The following SLC4A3 variants were observed in gnomAD, a reference collection of about 807,000 sequenced individuals.
The protein encoded by SLC4A3 is anion exchange protein 3.
A neutral mutation model predicts 114.2 loss-of-function variants in SLC4A3; 47 were observed. The observed-to-expected ratio is 0.41, with a 90% CI of 0.33 to 0.52. SLC4A3 has a LOEUF of 0.52. SLC4A3 is among the 20% of genes least tolerant of loss of function. The pLI, the probability that SLC4A3 is intolerant of heterozygous loss-of-function variation, is 0.21. For missense variants in SLC4A3, 1,312 were observed against 1,668.3 expected (o/e 0.79, Z 3.72); for synonymous variants, 693 against 710.3 (o/e 0.98, Z 0.39).
At chr2:219,634,063 G>A (rs1311148393) in intron 11 of SLC4A3, 84 bp downstream of exon 11, 4 of 1,417,738 alleles carry the variant, frequency 2.8e-6, no homozygotes, top group East Asian at 2.6e-5. Flanking sequence ...CTCTGGCCTC[G>A]AGGCCGCCTC....
Position 219,638,045 on chromosome 2 carries a change from C to A in SLC4A3, c.2767-119C>A. 2.4e-6 allele frequency: 2 copies of A among 839,256 alleles called. No homozygotes were observed. The highest frequency in any genetic ancestry group is 3.9e-6 in the Non-Finnish European group (2 of 511,260). The allele number at this position is 839,256 out of a possible 1,614,324, so 52.0% of individuals were successfully genotyped here. A position where few individuals can be genotyped will look rare whatever the true frequency, so the allele number is the denominator to read the frequency against. On this transcript the variant is annotated intron_variant, in intron 17 of 22. Coordinates refer to ENST00000358055, the MANE Select transcript of SLC4A3 (RefSeq NM_005070.4). This position sits in a 1 kb window ranked among gnomAD's most constrained non-coding sequence, Gnocchi z 7.5. ...CTGGCACCTGTGGGGTTGAGAGGCACGTGGGGGGCCTTCTGGCTCCAGCTT... is the reference window on the plus strand; with the variant it reads ...CTGGCACCTGTGGGGTTGAGAGGCAAGTGGGGGGCCTTCTGGCTCCAGCTT...
In SLC4A3 at chr2:219,629,168, C is replaced by G. The variant is rs1698826716; in HGVS notation, c.242C>G (p.Thr81Ser). 2 of 1,605,084 alleles carry G rather than the reference C, an allele frequency of 1.2e-6. No individual in the cohort carries two copies. The highest frequency in any genetic ancestry group is 4.5e-5 in the East Asian group (2 of 44,782). ...FEFHRHTSHHTHHPLSARLPP... is the reference protein window; with the variant it reads ...FEFHRHTSHHSHHPLSARLPP... ...GTTCACCGGCACACATCCCACCACA[C>G]CCACCACCCGCTCTCAGCGCGCCTG... is the stretch of plus-strand genomic sequence containing the variant. The change falls in exon 4 of 23, where the codon ACC becomes AGC. Residue 81 changes from threonine (T) to serine (S), a missense_variant. By Grantham distance (58) the Thr-to-Ser change is moderately conservative (BLOSUM62 1). This residue lies in a region of SLC4A3 where 236 missense variants were observed against 212.1 expected (regional missense o/e 1.11). Transcript: ENST00000358055.
chr2:219,633,661 A>C (rs1175426888), intron 10 of SLC4A3, among the ~76,000 whole-genome samples: 1 of 152,256 alleles, frequency 6.6e-6, no homozygotes, highest in Non-Finnish European at 1.5e-5. Flanking sequence ...GCAGACCCAC[A>C]GGAGCTGTTT....
At position 219,630,116 on chromosome 2, in the gene SLC4A3, C is replaced by G. The variant is rs1379438663; in HGVS notation, c.612-37C>G. On this transcript the variant is annotated intron_variant, in intron 5 of 22. Coordinates refer to ENST00000358055, the MANE Select transcript of SLC4A3 (RefSeq NM_005070.4). This position sits in a 1 kb window ranked among gnomAD's most constrained non-coding sequence, Gnocchi z 6.9. ...GACGGTGATGGAACCACCGACCTGGCCCTGTCAAGTCCAAGGCTGCTGTGT... is the reference window on the plus strand; with the variant it reads ...GACGGTGATGGAACCACCGACCTGGGCCTGTCAAGTCCAAGGCTGCTGTGT... 1 of 1,609,288 alleles carries G rather than the reference C, an allele frequency of 6.2e-7. No individual in the cohort carries two copies. The highest frequency in any genetic ancestry group is 1.1e-5 in the South Asian group (1 of 90,398).
At position 219,635,039 on chromosome 2, in the gene SLC4A3, G is replaced by T. The variant is rs954962395; in HGVS notation, c.1747-232G>T. Among the ~76,000 whole-genome samples the T allele has an allele frequency of 7.9e-5, 12 of 152,200 alleles. 1 individual carries two copies. Among genetic ancestry groups the T allele is most frequent in the African/African-American group, 2.9e-4 (12 of 41,446 alleles). ...ATCCCTTTAGTTGCTGCATGTGGAA[G>T]TCTGGCATCTCCTGGGGGAATGGAG... On this transcript the variant is annotated intron_variant, in intron 12 of 22. Coordinates refer to ENST00000358055, the MANE Select transcript of SLC4A3 (RefSeq NM_005070.4).
In SLC4A3 at chr2:219,636,199, G is replaced by A. The variant is rs922069199; in HGVS notation, c.2192-103G>A. 8 of 1,342,590 alleles carry A rather than the reference G, an allele frequency of 6.0e-6. No homozygotes were observed. The East Asian group carries it at 1.4e-4, about 23-fold the overall frequency. The allele number at this position is 1,342,590 out of a possible 1,614,324, so 83.2% of individuals were successfully genotyped here. Reference sequence around the variant, plus strand: ...GGGGCCCTGTGTGTCACTCTAAGGGGCTGCTCTGCTTTTGTTGGGGGCCCC... The same window carrying A: ...GGGGCCCTGTGTGTCACTCTAAGGGACTGCTCTGCTTTTGTTGGGGGCCCC... On this transcript the variant is annotated intron_variant, in intron 14 of 22. Transcript: ENST00000358055. The surrounding 1 kb of genome is among the most constrained non-coding windows in gnomAD (Gnocchi z 5.5).
At position 219,630,487 on chromosome 2, in the gene SLC4A3, C is replaced by A; in HGVS notation, c.811+135C>A. ...TGAATCCCTGTCTGCTGGGATGTGG[C>A]CAGTGATGGGGACCTCACTACCTCA... On this transcript the variant is annotated intron_variant, in intron 6 of 22. Transcript: ENST00000358055. This position sits in a 1 kb window ranked among gnomAD's most constrained non-coding sequence, Gnocchi z 6.9. 2.0e-6 allele frequency: 2 copies of A among 983,752 alleles called. No individual in the cohort carries two copies. The highest frequency in any genetic ancestry group is 2.9e-6 in the Non-Finnish European group (2 of 688,168). The allele number at this position is 983,752 out of a possible 1,614,324, so 60.9% of individuals were successfully genotyped here. A position where few individuals can be genotyped will look rare whatever the true frequency, so the allele number is the denominator to read the frequency against.
At chr2:219,640,718 T>C in intron 21 of SLC4A3, 71 bp from the exon 22 acceptor site, 1 of 1,574,754 alleles carries the variant, frequency 6.4e-7, no homozygotes, top group South Asian at 1.2e-5. Context: ...GGGAGCCAAA[T>C]TCCCCACGAT....
chr2:219,630,558 A>G lies in SLC4A3; in HGVS notation c.811+206A>G, dbSNP rs1470707604. 6.6e-6 allele frequency among the ~76,000 whole-genome samples: 1 copy of G among 151,876 alleles called. No homozygotes were observed. On this transcript the variant is annotated intron_variant, in intron 6 of 22. Transcript: ENST00000358055. This position sits in a 1 kb window ranked among gnomAD's most constrained non-coding sequence, Gnocchi z 6.9. ...GCCAGAGCTGAGATTTCCTTTCCTG[A>G]CACCTCACGCCTCAGTCCTGATTCT...
chr2:219,629,076 G>T, intron 3 of SLC4A3, 68 bp from the exon 4 acceptor site: 1 of 1,497,274 alleles, frequency 6.7e-7, no homozygotes, highest in African/African-American at 1.4e-5. Flanking sequence ...TGGAAGGTGT[G>T]TGCCCTCGGG....
Position 219,628,105 on chromosome 2 carries a change from G to A in SLC4A3, c.51+62G>A, listed in dbSNP as rs1698781942. ...GAGGAGAGGGGAGGGACCTTAGGGT[G>A]GGCAGAGGAGTCCTCTGGCCGACCC... On this transcript the variant is annotated intron_variant, in intron 2 of 22. Transcript: ENST00000358055. This position sits in a 1 kb window ranked among gnomAD's most constrained non-coding sequence, Gnocchi z 4.8. 7.5e-7 allele frequency: 1 copy of A among 1,334,340 alleles called. No homozygotes were observed. The highest frequency in any genetic ancestry group is 2.5e-4 in the Middle Eastern group (1 of 3,944). 82.7% of individuals were successfully genotyped at this position (1,334,340 alleles called of 1,614,324 possible).
rs1698838582 is a variant in SLC4A3, at chr2:219,629,426, G to A, written c.495+5G>A. 3 of 1,592,782 alleles carry A rather than the reference G, an allele frequency of 1.9e-6. No individual in the cohort carries two copies. The highest frequency in any genetic ancestry group is 2.6e-6 in the Non-Finnish European group (3 of 1,168,446). Reference sequence around the variant, plus strand: ...GGGACCCCACAGAAGGCAAAGGTAGGGGCTTCCCTTTGGAGGGGTGGCAGG... The same window carrying A: ...GGGACCCCACAGAAGGCAAAGGTAGAGGCTTCCCTTTGGAGGGGTGGCAGG... On this transcript the variant is annotated splice_donor_5th_base_variant and intron_variant, in intron 4 of 22. Coordinates refer to ENST00000358055, the MANE Select transcript of SLC4A3 (RefSeq NM_005070.4).
At chr2:219,635,598 T>G (rs1481195397) in intron 13 of SLC4A3, 75 bp from the exon 14 acceptor site, 2 of 1,479,696 alleles carry the variant, frequency 1.4e-6, no homozygotes, top group East Asian at 2.5e-5. Flanking sequence ...GTCCTTTGCA[T>G]CCCTGATCCC....
rs1244703281 is a variant in SLC4A3, at chr2:219,639,038, G to T, written c.3023+169G>T. On this transcript the variant is annotated intron_variant, in intron 19 of 22. Transcript: ENST00000358055. This position sits in a 1 kb window ranked among gnomAD's most constrained non-coding sequence, Gnocchi z 5.9. ...AGTGTGTGTGGAGGAGCTGGCAGGG[G>T]TGAGGAGGAGGTGGGGGAGGAGCAG... Among the ~76,000 whole-genome samples the T allele has an allele frequency of 1.3e-5, 2 of 152,108 alleles. No homozygotes were observed. Among genetic ancestry groups the T allele is most frequent in the Non-Finnish European group, 2.9e-5 (2 of 68,014 alleles).
In SLC4A3 at chr2:219,630,486, G is replaced by C; in HGVS notation, c.811+134G>C. The C allele has an allele frequency of 2.0e-6, 2 of 991,666 alleles. No homozygotes were observed. Among genetic ancestry groups the C allele is most frequent in the Non-Finnish European group, 2.9e-6 (2 of 695,466 alleles). 61.4% of individuals were successfully genotyped at this position (991,666 alleles called of 1,614,324 possible). A position where few individuals can be genotyped will look rare whatever the true frequency, so the allele number is the denominator to read the frequency against. On this transcript the variant is annotated intron_variant, in intron 6 of 22. Coordinates refer to ENST00000358055, the MANE Select transcript of SLC4A3 (RefSeq NM_005070.4). The surrounding 1 kb of genome is among the most constrained non-coding windows in gnomAD (Gnocchi z 6.9). ...CTGAATCCCTGTCTGCTGGGATGTG[G>C]CCAGTGATGGGGACCTCACTACCTC...
intron 8 of SLC4A3, 53 bp from the exon 9 acceptor site, chr2:219,632,821 A>G (rs1698976082): frequency 1.2e-6 from 2 of 1,603,148 alleles, no homozygotes; most frequent in Admixed American, 3.4e-5. Flanking sequence ...GTGGGAGGAG[A>G]TTTTTCCTGT....
At position 219,631,647 on chromosome 2, in the gene SLC4A3, T is replaced by C. The variant is rs112067836; in HGVS notation, c.812-321T>C. Among the ~76,000 whole-genome samples the C allele has an allele frequency of 0.015, 2,357 of 152,110 alleles. 64 individuals are homozygous for C. The highest frequency in any genetic ancestry group is 0.052 in the African/African-American group (2,148 of 41,486). On this transcript the variant is annotated intron_variant, in intron 6 of 22. Transcript: ENST00000358055. The surrounding 1 kb of genome is among the most constrained non-coding windows in gnomAD (Gnocchi z 6.3). The stretch of plus-strand genomic sequence containing the variant: ...GGGGACTCTGACTCAGTGCCTGTCA[T>C]GGGACCCAGATGGAGAAGGAGGGGC...
rs1168048962 is a variant in SLC4A3, at chr2:219,630,120, G to A, written c.612-33G>A. 6.2e-7 allele frequency: 1 copy of A among 1,610,492 alleles called. No homozygotes were observed. The highest frequency in any genetic ancestry group is 8.5e-7 in the Non-Finnish European group (1 of 1,178,148). On this transcript the variant is annotated intron_variant, in intron 5 of 22. Coordinates refer to ENST00000358055, the MANE Select transcript of SLC4A3 (RefSeq NM_005070.4). This position sits in a 1 kb window ranked among gnomAD's most constrained non-coding sequence, Gnocchi z 6.9. Reference sequence around the variant, plus strand: ...GTGATGGAACCACCGACCTGGCCCTGTCAAGTCCAAGGCTGCTGTGTTGCC... The same window carrying A: ...GTGATGGAACCACCGACCTGGCCCTATCAAGTCCAAGGCTGCTGTGTTGCC...
rs963275380 is a variant in SLC4A3 at position 219,638,045 on chromosome 2, C to T, written c.2767-119C>T. On this transcript the variant is annotated intron_variant, in intron 17 of 22. Coordinates refer to ENST00000358055, the MANE Select transcript of SLC4A3 (RefSeq NM_005070.4). This position sits in a 1 kb window ranked among gnomAD's most constrained non-coding sequence, Gnocchi z 7.5. ...CTGGCACCTGTGGGGTTGAGAGGCA[C>T]GTGGGGGGCCTTCTGGCTCCAGCTT... is the stretch of plus-strand genomic sequence containing the variant. 64 of 839,258 alleles carry T rather than the reference C, an allele frequency of 7.6e-5. No individual in the cohort carries two copies. The highest frequency in any genetic ancestry group is 6.2e-5 in the South Asian group (4 of 64,062). 52.0% of individuals were successfully genotyped at this position (839,258 alleles called of 1,614,324 possible).
Sources: allele counts gnomAD v4.1 joint callset (sites outside exome capture counted in the v4.1 genomes callset), GRCh38; gene constraint gnomAD v4.1.1; regional missense constraint gnomAD v4.1.1; non-coding constraint Gnocchi (gnomAD v3.1); transcripts MANE v1.5; gene names NCBI Gene and HGNC (gene_info 2026-07-23, HGNC 2026-07-21).